The following UNC13C variants were observed in gnomAD, a reference collection of about 807,000 sequenced individuals.
The protein encoded by UNC13C is unc-13 homolog C.
A neutral mutation model predicts 245.4 loss-of-function variants in UNC13C; 174 were observed. The ratio of observed to expected loss-of-function variants is 0.71; its 90% CI spans 0.63 to 0.80. The LOEUF (loss-of-function observed/expected upper bound fraction) is 0.80, where lower values mean the gene tolerates loss of function less well. Ranked by LOEUF, UNC13C falls within the 30% of genes least tolerant of loss-of-function variation. UNC13C has a pLI of 0.00. For synonymous variants in UNC13C, 992 were observed against 895.1 expected, an observed-to-expected ratio of 1.11 and a Z score of -1.93; for missense variants, 2,829 against 2,602.9, an observed-to-expected ratio of 1.09 and a Z score of -1.89.
chr15:53,842,749 A>C, the UNC13C span, among the ~76,000 whole-genome samples: 11 of 152,170 alleles, frequency 7.2e-5, no homozygotes, highest in African/African-American at 2.4e-4. Flanking sequence ...TTGCACCCAG[A>C]AGTGACTGAC....
the UNC13C span, among the ~76,000 whole-genome samples, chr15:53,957,135 T>TTTTG: frequency 2.5e-3 from 303 of 121,858 alleles, 5 homozygotes; most frequent in African/African-American, 8.3e-3. Context: ...GAATGTTCTT[T>TTTTG]TTTGTTTGTT....
chr15:54,007,021 A>G (rs1895169844), intron 1 of UNC13C, among the ~76,000 whole-genome samples: 1 of 152,214 alleles, frequency 6.6e-6, no homozygotes, highest in African/African-American at 2.4e-5. Flanking sequence ...TGAGTCAGCT[A>G]CTTTTCAAAT....
In UNC13C at chr15:54,189,602, C is replaced by G. The variant is rs372039684; in HGVS notation, c.3072-45428C>G. On this transcript the variant is annotated intron_variant, in intron 4 of 32. Coordinates refer to ENST00000260323, the MANE Select transcript of UNC13C (RefSeq NM_001080534.3). ...TGTAGATATTTCGGGAAAATGGAAA[C>G]AAGATAATTAAGATAATTTGATTAA... Among the ~76,000 whole-genome samples the G allele has an allele frequency of 1.6e-4, 25 of 152,020 alleles. No individual in the cohort carries two copies. The East Asian group carries it at 4.6e-3, about 28-fold the overall frequency.
intron 19 of UNC13C, among the ~76,000 whole-genome samples, chr15:54,448,344 T>G (rs1890953057): frequency 6.6e-6 from 1 of 152,196 alleles, no homozygotes; most frequent in Non-Finnish European, 1.5e-5. Context: ...ACTTTCTGTC[T>G]TGTTGATCTG....
At chr15:53,853,605 C>G in the UNC13C span, among the ~76,000 whole-genome samples, 44 of 152,296 alleles carry the variant, frequency 2.9e-4, no homozygotes, top group East Asian at 7.5e-3. Flanking sequence ...ATTTATACTC[C>G]CACCAAGGTT....
At position 54,500,127 on chromosome 15, in the gene UNC13C, G is replaced by A. The variant is rs1894134698; in HGVS notation, c.5109G>A (p.Val1703=). The A allele has an allele frequency of 6.2e-7, 1 of 1,611,412 alleles. No individual in the cohort carries two copies. The highest frequency in any genetic ancestry group is 8.5e-7 in the Non-Finnish European group (1 of 1,179,048). Residue 1703 remains valine, a synonymous_variant, in exon 21 of 33, where the codon GTG becomes GTA. Transcript: ENST00000260323. Reference sequence around the variant, plus strand: ...AATGGCTAGATGAAAACGAAGATGTGTCAATGGAATTCCTTCATGGAGCAC... The same window carrying A: ...AATGGCTAGATGAAAACGAAGATGTATCAATGGAATTCCTTCATGGAGCAC... The part of the protein sequence containing the change: ...VMQWLDENED[V]SMEFLHGALG...
At chr15:54,110,453 T>A (rs1307221015) in intron 2 of UNC13C, among the ~76,000 whole-genome samples, 1 of 152,144 alleles carries the variant, frequency 6.6e-6, no homozygotes, top group Non-Finnish European at 1.5e-5. Flanking sequence ...AAAATCAAAT[T>A]CTGTCTTCAG....
chr15:54,332,727 T>A (rs144420850), intron 15 of UNC13C, among the ~76,000 whole-genome samples: 5 of 152,174 alleles, frequency 3.3e-5, no homozygotes, highest in African/African-American at 1.2e-4. Context: ...TAGTTACAAA[T>A]TTTAGTTATA....
At chr15:54,465,980 T>G (rs1892142413) in intron 19 of UNC13C, among the ~76,000 whole-genome samples, 2 of 152,074 alleles carry the variant, frequency 1.3e-5, no homozygotes. Context: ...AAATATGGTC[T>G]GTATACACAG....
At chr15:53,927,353 A>G in the UNC13C span, among the ~76,000 whole-genome samples, 1 of 152,188 alleles carries the variant, frequency 6.6e-6, no homozygotes, top group African/African-American at 2.4e-5. Context: ...GGCAAGGAGA[A>G]CAGTTGGGAT....
chr15:54,305,404 A>G (rs1292503693), intron 13 of UNC13C, among the ~76,000 whole-genome samples: 1 of 152,126 alleles, frequency 6.6e-6, no homozygotes, highest in Admixed American at 6.6e-5. Context: ...GAGTTGAAAT[A>G]CAGCTTTCAG....
chr15:54,417,150 A>G (rs977077725), intron 19 of UNC13C: 2 of 354,420 alleles, frequency 5.6e-6, no homozygotes, highest in Non-Finnish European at 1.1e-5. Context: ...TTTTTTGTCT[A>G]TGACTTTTAC....
intron 10 of UNC13C, among the ~76,000 whole-genome samples, chr15:54,268,304 C>T (rs1167938124): frequency 6.6e-6 from 1 of 152,054 alleles, no homozygotes; most frequent in Admixed American, 6.6e-5. Flanking sequence ...GAAATCCTAA[C>T]TGGGTCTTTG....
intron 4 of UNC13C, among the ~76,000 whole-genome samples, chr15:54,146,828 G>T (rs2032280267): frequency 6.6e-6 from 1 of 152,182 alleles, no homozygotes; most frequent in Non-Finnish European, 1.5e-5. Flanking sequence ...AGCAGAAGTA[G>T]GTGAGAAGAG....
intron 13 of UNC13C, 54 bp from the exon 14 acceptor site, chr15:54,321,885 G>T (rs1292419693): frequency 2.0e-6 from 3 of 1,497,312 alleles, no homozygotes; most frequent in Admixed American, 2.2e-5. Context: ...CTCTGTTGTT[G>T]TATGAATTAA....
chr15:54,104,074 T>C (rs1268037415), intron 2 of UNC13C, among the ~76,000 whole-genome samples: 1 of 152,118 alleles, frequency 6.6e-6, no homozygotes, highest in African/African-American at 2.4e-5. Context: ...TTGTGTCGAG[T>C]CCTTTTCTTT....
At chr15:54,540,652 T>C (rs1896202774) in intron 26 of UNC13C, among the ~76,000 whole-genome samples, 1 of 152,116 alleles carries the variant, frequency 6.6e-6, no homozygotes, top group South Asian at 2.1e-4. Context: ...TTGTGCAGCC[T>C]CTCTAAATAA....
chr15:54,214,749 C>T (rs2034988047), intron 4 of UNC13C, among the ~76,000 whole-genome samples: 1 of 151,906 alleles, frequency 6.6e-6, no homozygotes, highest in African/African-American at 2.4e-5. Flanking sequence ...AATGATCATA[C>T]TTTTAAAAAC....
At chr15:54,157,038 G>T (rs2032779359) in intron 4 of UNC13C, among the ~76,000 whole-genome samples, 1 of 152,126 alleles carries the variant, frequency 6.6e-6, no homozygotes, top group African/African-American at 2.4e-5. Flanking sequence ...ATGTGAACTT[G>T]AGCTGTTTCT....
Sources: gnomAD v4.1 joint callset for allele counts (sites outside exome capture counted in the v4.1 genomes callset) on GRCh38, gnomAD v4.1.1 for gene constraint, MANE v1.5 for transcripts, NCBI Gene and HGNC (gene_info 2026-07-23, HGNC 2026-07-21) for gene names.